THSD4: variants seen among roughly 807,000 people sequenced by gnomAD.
THSD4 encodes the protein thrombospondin type 1 domain containing 4, also known as thrombospondin type-1 domain-containing protein 4.
THSD4 carries 69 observed loss-of-function variants against 119.0 expected under a neutral mutation model. The ratio of observed to expected loss-of-function variants is 0.58; its 90% CI spans 0.48 to 0.71. The LOEUF is 0.71. Among genes scored for constraint, THSD4 ranks in the 30% least tolerant of loss-of-function variants. The probability of loss-of-function intolerance (pLI) is 0.00; values close to 1 mark genes in which losing one functional copy is unlikely to be tolerated. For synonymous variants in THSD4, 524 were observed against 540.4 expected (o/e 0.97, Z 0.42); for missense variants, 1,393 against 1,391.1 (o/e 1.00, Z -0.02).
intron 7 of THSD4, among the ~76,000 whole-genome samples, chr15:71,622,266 C>G (rs1348969441): frequency 6.6e-6 from 1 of 152,210 alleles, no homozygotes; most frequent in African/African-American, 2.4e-5. Context: ...TTTCTGAAAT[C>G]ATGCAATTTA....
intron 7 of THSD4, among the ~76,000 whole-genome samples, chr15:71,539,800 G>A (rs12442633): frequency 6.6e-6 from 1 of 152,104 alleles, no homozygotes; most frequent in Non-Finnish European, 1.5e-5. Context: ...CCGTTCTCTT[G>A]TTTGGCATTC....
intron 1 of THSD4, among the ~76,000 whole-genome samples, chr15:71,127,558 A>G (rs2040466001): frequency 6.6e-6 from 1 of 152,200 alleles, no homozygotes; most frequent in East Asian, 1.9e-4. Context: ...CTTTTTCTCC[A>G]CATACTCACC....
intron 7 of THSD4, among the ~76,000 whole-genome samples, chr15:71,449,756 G>A (rs60468286): frequency 0.27 from 40,400 of 151,816 alleles, 5,645 homozygotes; most frequent in Middle Eastern, 0.35. Context: ...TGAAAATAGC[G>A]TTTGAGAAGT....
rs968855776 is a variant in THSD4, at chr15:71,594,353, C to T, written c.1153-66177C>T. Among the ~76,000 whole-genome samples, 10 of 152,136 alleles carry T rather than the reference C, an allele frequency of 6.6e-5. No individual in the cohort carries two copies. In the East Asian group the frequency reaches 1.9e-3, roughly 29 times the overall value. ...CTTCCCCAGTAGCTGAGATTACAGGCATTTGCCACCACGACTGGCTAATTT... is the reference window on the plus strand; with the variant it reads ...CTTCCCCAGTAGCTGAGATTACAGGTATTTGCCACCACGACTGGCTAATTT... On this transcript the variant is annotated intron_variant, in intron 7 of 17. Transcript: ENST00000261862.
intron 3 of THSD4, among the ~76,000 whole-genome samples, chr15:71,205,052 A>G (rs189463970): frequency 7.4e-4 from 112 of 152,294 alleles, no homozygotes; most frequent in Non-Finnish European, 1.1e-3. Context: ...ATGCATTCAA[A>G]TCACTGGGGA....
intron 7 of THSD4, among the ~76,000 whole-genome samples, chr15:71,644,508 A>G (rs2050929210): frequency 6.6e-6 from 1 of 152,198 alleles, no homozygotes; most frequent in Admixed American, 6.5e-5. Context: ...TGGTAACTGT[A>G]AGCTCCAGAT....
chr15:71,122,517 C>T (rs1296262420), intron 1 of THSD4, among the ~76,000 whole-genome samples: 1 of 152,202 alleles, frequency 6.6e-6, no homozygotes, highest in Non-Finnish European at 1.5e-5. Context: ...GCTCTGTCTT[C>T]TTGGCCTCTT....
chr15:71,701,749 C>T lies in THSD4; in HGVS notation c.1358-26800C>T, dbSNP rs141571196. 7.2e-3 allele frequency among the ~76,000 whole-genome samples: 1,097 copies of T among 152,026 alleles called. 13 individuals are homozygous for T. Among genetic ancestry groups the T allele is most frequent in the African/African-American group, 0.025 (1,038 of 41,452 alleles). ...TTATATAATTTTGTTTATGCCTGTC[C>T]GCACATGCACAGAAAGATCTGGAAG... On this transcript the variant is annotated intron_variant, in intron 8 of 17. Coordinates refer to ENST00000261862, the MANE Select transcript of THSD4 (RefSeq NM_024817.3).
In THSD4 at chr15:71,168,374, T is replaced by C. The variant is rs183789018; in HGVS notation, c.99+13442T>C. Among the ~76,000 whole-genome samples, 14 of 152,352 alleles carry C rather than the reference T, an allele frequency of 9.2e-5. No homozygotes were observed. The East Asian group carries it at 2.5e-3, about 27-fold the overall frequency. On this transcript the variant is annotated intron_variant, in intron 3 of 17. Coordinates refer to ENST00000261862, the MANE Select transcript of THSD4 (RefSeq NM_024817.3). ...GCAGGAAAGATTGTGAGACATTGTA[T>C]TTTTTAGCTCCACATATGAAAAATC...
At chr15:71,734,980 A>G (rs2141142738) in intron 10 of THSD4, among the ~76,000 whole-genome samples, 1 of 152,240 alleles carries the variant, frequency 6.6e-6, no homozygotes. Flanking sequence ...TGCAAGGAAT[A>G]TTGCATATTA....
chr15:71,411,963 T>C, intron 7 of THSD4, 140 bp downstream of exon 7: 1 of 1,105,516 alleles, frequency 9.0e-7, no homozygotes, highest in Non-Finnish European at 1.3e-6. Context: ...CTGGGAGGAG[T>C]GGGCTGAGAT....
chr15:71,235,478 C>T lies in THSD4; in HGVS notation c.465-7171C>T, dbSNP rs575427138. On this transcript the variant is annotated intron_variant, in intron 4 of 17. Transcript: ENST00000261862. ...TCAGCTTTCTCCAACAATAAATAGG[C>T]TTTCATCTCATGAGCTTCCTTCTCA... 8.2e-4 allele frequency among the ~76,000 whole-genome samples: 125 copies of T among 152,070 alleles called. 1 individual carries two copies. The highest frequency in any genetic ancestry group is 1.5e-3 in the Non-Finnish European group (101 of 68,002).
intron 7 of THSD4, among the ~76,000 whole-genome samples, chr15:71,518,110 T>A (rs970510538): frequency 6.6e-6 from 1 of 152,180 alleles, no homozygotes; most frequent in Non-Finnish European, 1.5e-5. Flanking sequence ...CTGGGGAACA[T>A]ATGTGCATTG....
At chr15:71,339,789 G>C (rs570422777) in intron 6 of THSD4, among the ~76,000 whole-genome samples, 36 of 151,870 alleles carry the variant, frequency 2.4e-4, no homozygotes, top group African/African-American at 8.0e-4. Context: ...TTTTGAGATG[G>C]AGTCTTACTC....
chr15:71,572,594 A>G (rs1365126756), intron 7 of THSD4, among the ~76,000 whole-genome samples: 1 of 152,056 alleles, frequency 6.6e-6, no homozygotes, highest in African/African-American at 2.4e-5. Context: ...TATCATGTCT[A>G]CTAATGTGAT....
chr15:71,334,087 T>G (rs1261545894), intron 6 of THSD4, among the ~76,000 whole-genome samples: 3 of 152,144 alleles, frequency 2.0e-5, no homozygotes, highest in African/African-American at 7.2e-5. Flanking sequence ...TTTTTAAGGT[T>G]TAGGATTCAC....
At chr15:71,149,705 GT>G (rs1056860709) in intron 2 of THSD4, among the ~76,000 whole-genome samples, 1 of 151,500 alleles carries the variant, frequency 6.6e-6, no homozygotes, top group African/African-American at 2.4e-5. Context: ...AAAGGAAGTA[GT>G]TTTTTTTTCT....
chr15:71,261,043 G>A (rs958793680), intron 6 of THSD4, among the ~76,000 whole-genome samples: 5 of 152,144 alleles, frequency 3.3e-5, no homozygotes, highest in Admixed American at 6.5e-5. Flanking sequence ...CAGAGGTTGC[G>A]GTGAGCCGAG....
chr15:71,601,138 A>T (rs1003059586), intron 7 of THSD4, among the ~76,000 whole-genome samples: 2 of 152,200 alleles, frequency 1.3e-5, no homozygotes, highest in African/African-American at 4.8e-5. Flanking sequence ...TGATAAAATG[A>T]GTGCATGTTG....
Sources: allele counts gnomAD v4.1 joint callset (sites outside exome capture counted in the v4.1 genomes callset), GRCh38; gene constraint gnomAD v4.1.1; transcripts MANE v1.5; gene names NCBI Gene and HGNC (gene_info 2026-07-23, HGNC 2026-07-21).